PLEKHA8: variants seen among roughly 807,000 people sequenced by gnomAD.
PLEKHA8 encodes pleckstrin homology domain containing A8.
PLEKHA8 carries 36 observed loss-of-function variants against 68.2 expected under a neutral mutation model. That is an observed-to-expected ratio of 0.53 (90% CI 0.40 to 0.70). PLEKHA8 has a LOEUF of 0.70. PLEKHA8 is among the 30% of genes least tolerant of loss of function. The pLI, the probability that PLEKHA8 is intolerant of heterozygous loss-of-function variation, is 0.00. For missense variants in PLEKHA8, 505 were observed against 615.4 expected (o/e 0.82, Z 1.90); for synonymous variants, 211 against 216.1 (o/e 0.98, Z 0.20).
rs1794922189 is a variant in PLEKHA8 at position 30,081,385 on chromosome 7, A to G, written c.*2598A>G. 2 of 984,446 alleles carry G rather than the reference A, an allele frequency of 2.0e-6. No homozygotes were observed. The highest frequency in any genetic ancestry group is 1.7e-5 in the African/African-American group (1 of 57,220). The allele number at this position is 984,446 out of a possible 1,614,324, so 61.0% of individuals were successfully genotyped here. A position where few individuals can be genotyped will look rare whatever the true frequency, so the allele number is the denominator to read the frequency against. On this transcript the variant is annotated 3_prime_UTR_variant, in exon 14 of 14. Coordinates refer to ENST00000449726, the MANE Select transcript of PLEKHA8 (RefSeq NM_001197026.2). Reference sequence around the variant, plus strand: ...AAAAATATTAGAAATTAGAAATTGAACCTAATACTAAACAGTAAATTCAGC... The same window carrying G: ...AAAAATATTAGAAATTAGAAATTGAGCCTAATACTAAACAGTAAATTCAGC...
Position 30,035,456 on chromosome 7 carries a change from GTC to G in PLEKHA8, c.40+6658_40+6659del, listed in dbSNP as rs140532628. ...TGATTAATGATGCCCAGAAAATTTA[GTC>G]TCTGTGTATTCAGCTTTCTATTTGC... On this transcript the variant is annotated intron_variant, in intron 1 of 13. Transcript: ENST00000449726. Among the ~76,000 whole-genome samples, 23 of 152,212 alleles carry G rather than the reference GTC, an allele frequency of 1.5e-4. 1 individual carries two copies. The East Asian group carries it at 4.4e-3, about 29-fold the overall frequency.
At chr7:30,095,859 G>A (rs1795595572) in intron 13 of PLEKHA8, among the ~76,000 whole-genome samples, 1 of 152,078 alleles carries the variant, frequency 6.6e-6, no homozygotes, top group Non-Finnish European at 1.5e-5. Flanking sequence ...ATTTCTGAGG[G>A]CTCTGTACTG....
At chr7:30,062,943 C>T (rs1793553422) in intron 12 of PLEKHA8, among the ~76,000 whole-genome samples, 1 of 152,202 alleles carries the variant, frequency 6.6e-6, no homozygotes, top group South Asian at 2.1e-4. Context: ...CTAGATGTAA[C>T]TTACTAAAAA....
chr7:30,080,596 C>T lies in PLEKHA8; in HGVS notation c.*1809C>T, dbSNP rs1418066057. On this transcript the variant is annotated 3_prime_UTR_variant, in exon 14 of 14. Coordinates refer to ENST00000449726, the MANE Select transcript of PLEKHA8 (RefSeq NM_001197026.2). ...TAGCTCAGATTAATTAGGTATTTTG[C>T]CCACATAAAGACTTCTGGAAAATAC... is the stretch of plus-strand genomic sequence containing the variant. The T allele has an allele frequency of 1.0e-6, 1 of 985,198 alleles. No homozygotes were observed. Among genetic ancestry groups the T allele is most frequent in the East Asian group, 1.1e-4 (1 of 8,808 alleles). The allele number at this position is 985,198 out of a possible 1,614,324, so 61.0% of individuals were successfully genotyped here. A position where few individuals can be genotyped will look rare whatever the true frequency, so the allele number is the denominator to read the frequency against.
chr7:30,051,739 C>T lies in PLEKHA8; in HGVS notation c.639-970C>T, dbSNP rs529317599. 6.0e-4 allele frequency among the ~76,000 whole-genome samples: 91 copies of T among 152,076 alleles called. No individual in the cohort carries two copies. The South Asian group carries it at 0.017, about 28-fold the overall frequency. ...CTATAATCCCAGCACTTTGGGAGGC[C>T]GAGACGGGTGGATCACCTGAGGTCA... is the stretch of plus-strand genomic sequence containing the variant. On this transcript the variant is annotated intron_variant, in intron 6 of 13. Transcript: ENST00000449726.
At chr7:30,062,279 A>C (rs1327087951) in intron 11 of PLEKHA8, among the ~76,000 whole-genome samples, 1 of 152,172 alleles carries the variant, frequency 6.6e-6, no homozygotes, top group Non-Finnish European at 1.5e-5. Flanking sequence ...CTTCTCTTTA[A>C]ATCAGTGGCT....
intron 13 of PLEKHA8, among the ~76,000 whole-genome samples, chr7:30,105,388 G>A (rs892755455): frequency 3.3e-5 from 5 of 150,510 alleles, no homozygotes; most frequent in Non-Finnish European, 5.9e-5. Flanking sequence ...GGAGGCTGAA[G>A]TGGGAGGATC....
downstream of PLEKHA8, among the ~76,000 whole-genome samples, chr7:30,091,691 T>A (rs1436658435): frequency 6.6e-6 from 1 of 152,076 alleles, no homozygotes; most frequent in Non-Finnish European, 1.5e-5. Flanking sequence ...CCATTTGGAG[T>A]GGTTGACAGT....
Position 30,081,815 on chromosome 7 carries a change from G to A in PLEKHA8, c.*3028G>A, listed in dbSNP as rs1382230525. On this transcript the variant is annotated 3_prime_UTR_variant, in exon 14 of 14. Transcript: ENST00000449726. ...ATTTCCACACAATTTCATCGTGCCT[G>A]TACTTTTCTCTATGGTAAAAGCCAG... The A allele has an allele frequency of 2.0e-6, 2 of 985,266 alleles. No homozygotes were observed. The highest frequency in any genetic ancestry group is 2.4e-6 in the Non-Finnish European group (2 of 829,920). 61.0% of individuals were successfully genotyped at this position (985,266 alleles called of 1,614,324 possible). A position where few individuals can be genotyped will look rare whatever the true frequency, so the allele number is the denominator to read the frequency against.
In PLEKHA8 at chr7:30,052,695, T is replaced by TAA; in HGVS notation, c.639-9_639-8dup. ...ACGACCTTCTGGCTTTTTTTCCTTT[T>TAA]AAAAAATTTGCAGGCAAATGGAGTT... On this transcript the variant is annotated splice_polypyrimidine_tract_variant and intron_variant, in intron 6 of 13. Transcript: ENST00000449726. The TAA allele has an allele frequency of 6.6e-7, 1 of 1,526,380 alleles. No homozygotes were observed. Among genetic ancestry groups the TAA allele is most frequent in the Non-Finnish European group, 8.7e-7 (1 of 1,144,294 alleles). The allele number at this position is 1,526,380 out of a possible 1,614,324, so 94.6% of individuals were successfully genotyped here.
chr7:30,037,013 C>T (rs1791152465), intron 1 of PLEKHA8, among the ~76,000 whole-genome samples: 1 of 152,168 alleles, frequency 6.6e-6, no homozygotes, highest in Admixed American at 6.5e-5. Flanking sequence ...CCTAGAGAAG[C>T]TGAGTGGGGG....
At position 30,047,921 on chromosome 7, in the gene PLEKHA8, A is replaced by G. The variant is rs147669223; in HGVS notation, c.403A>G (p.Lys135Glu). 8 of 1,602,774 alleles carry G rather than the reference A, an allele frequency of 5.0e-6. No individual in the cohort carries two copies. Among genetic ancestry groups the G allele is most frequent in the South Asian group, 1.1e-5 (1 of 90,386 alleles). Residue 135 changes from lysine (K) to glutamate (E), a missense_variant, in exon 4 of 14, where the codon AAA becomes GAA. Transcript: ENST00000449726. The part of the protein sequence containing the change: ...DLLVQQVDKT[K>E]EVTTTGVSNS... ...CCTTGTTCAGCAAGTAGATAAAACA[A>G]AAGAAGTGACCACAACTGGTGTGTC...
chr7:30,052,690 C>A lies in PLEKHA8; in HGVS notation c.639-19C>A. On this transcript the variant is annotated intron_variant, in intron 6 of 13. Coordinates refer to ENST00000449726, the MANE Select transcript of PLEKHA8 (RefSeq NM_001197026.2). ...AAATAACGACCTTCTGGCTTTTTTT[C>A]CTTTTAAAAAATTTGCAGGCAAATG... 2 of 1,479,398 alleles carry A rather than the reference C, an allele frequency of 1.4e-6. No individual in the cohort carries two copies. The highest frequency in any genetic ancestry group is 1.8e-6 in the Non-Finnish European group (2 of 1,119,948). The allele number at this position is 1,479,398 out of a possible 1,614,324, so 91.6% of individuals were successfully genotyped here. A position where few individuals can be genotyped will look rare whatever the true frequency, so the allele number is the denominator to read the frequency against.
At chr7:30,028,877 A>G (rs1028799232) in intron 1 of PLEKHA8, 75 bp downstream of exon 1, 15 of 1,235,414 alleles carry the variant, frequency 1.2e-5, no homozygotes, top group African/African-American at 3.1e-5. Flanking sequence ...CGGTGTCTGG[A>G]CCCGTCTTAG....
intron 1 of PLEKHA8, among the ~76,000 whole-genome samples, chr7:30,043,035 A>T (rs1791662089): frequency 7.5e-6 from 1 of 132,706 alleles, no homozygotes; most frequent in African/African-American, 2.8e-5. Context: ...ACAAGGTCTC[A>T]CTCTCACTCA....
intron 12 of PLEKHA8, among the ~76,000 whole-genome samples, chr7:30,064,842 G>C (rs972832736): frequency 6.6e-6 from 1 of 152,142 alleles, no homozygotes; most frequent in Non-Finnish European, 1.5e-5. Flanking sequence ...TGTGCCCAGT[G>C]GACTCCGCTT....
At chr7:30,037,481 T>A (rs1791190894) in intron 1 of PLEKHA8, among the ~76,000 whole-genome samples, 1 of 152,122 alleles carries the variant, frequency 6.6e-6, no homozygotes. Context: ...AGATGGGAGT[T>A]TTCTGTTATT....
chr7:30,029,472 C>A (rs781688191), intron 1 of PLEKHA8, among the ~76,000 whole-genome samples: 5 of 152,040 alleles, frequency 3.3e-5, no homozygotes, highest in Non-Finnish European at 5.9e-5. Context: ...TAAAATAGTC[C>A]CCGCCCTTTT....
At chr7:30,109,198 G>A (rs1044478245) in intron 13 of PLEKHA8, among the ~76,000 whole-genome samples, 16 of 152,076 alleles carry the variant, frequency 1.1e-4, no homozygotes, top group Non-Finnish European at 1.9e-4. Flanking sequence ...AATAATTTTA[G>A]ATGTATAAAA....
Sources: allele counts gnomAD v4.1 joint callset (sites outside exome capture counted in the v4.1 genomes callset), GRCh38; gene constraint gnomAD v4.1.1; transcripts MANE v1.5; gene names NCBI Gene and HGNC (gene_info 2026-07-23, HGNC 2026-07-21).